Variants in SLC15A1 observed in about 807,000 individuals in gnomAD.
The protein encoded by SLC15A1 is solute carrier family 15 member 1.
SLC15A1 carries 83 observed loss-of-function variants against 92.9 expected under a neutral mutation model. That is an observed-to-expected ratio of 0.89 (90% CI 0.75 to 1.07). SLC15A1 has a LOEUF of 1.07. Ranked by LOEUF, SLC15A1 falls within the 50% of genes least tolerant of loss-of-function variation. The pLI is 0.00. For missense variants in SLC15A1, 857 were observed against 880.1 expected (o/e 0.97, Z 0.33); for synonymous variants, 322 against 318.2 (o/e 1.01, Z -0.13).
chr13:98,700,984 C>A (rs541823312), intron 18 of SLC15A1, among the ~76,000 whole-genome samples: 2 of 152,236 alleles, frequency 1.3e-5, no homozygotes, highest in East Asian at 3.9e-4. Context: ...CAACTTAATT[C>A]TTTTTCAAAA....
intron 9 of SLC15A1, among the ~76,000 whole-genome samples, chr13:98,715,253 C>T (rs1192044025): frequency 6.6e-6 from 1 of 152,234 alleles, no homozygotes; most frequent in East Asian, 1.9e-4. Flanking sequence ...CGGCTCACTG[C>T]AACCTCTGCC....
At chr13:98,716,451 G>A (rs572415789) in intron 8 of SLC15A1, among the ~76,000 whole-genome samples, 2 of 152,144 alleles carry the variant, frequency 1.3e-5, no homozygotes, top group Non-Finnish European at 2.9e-5. Context: ...GTGAAAACCC[G>A]TCTCTACTAA....
At chr13:98,718,405 G>A (rs1395759066) in intron 8 of SLC15A1, among the ~76,000 whole-genome samples, 13 of 138,700 alleles carry the variant, frequency 9.4e-5, no homozygotes, top group Admixed American at 2.4e-4. Flanking sequence ...CTGCAGCCTC[G>A]ACCTCCCAGG....
intron 18 of SLC15A1, among the ~76,000 whole-genome samples, chr13:98,691,689 T>G (rs2087978814): frequency 6.6e-6 from 1 of 152,222 alleles, no homozygotes; most frequent in Non-Finnish European, 1.5e-5. Flanking sequence ...TCATGACGTT[T>G]TACTGACTTT....
chr13:98,726,496 G>A (rs750571282), intron 2 of SLC15A1, 47 bp from the exon 3 acceptor site: 2 of 1,548,802 alleles, frequency 1.3e-6, no homozygotes, highest in East Asian at 4.7e-5. Flanking sequence ...CCCCCCACTG[G>A]TCCATAGCCA....
chr13:98,689,873 C>T (rs1362531284), intron 18 of SLC15A1, among the ~76,000 whole-genome samples: 1 of 152,176 alleles, frequency 6.6e-6, no homozygotes, highest in African/African-American at 2.4e-5. Flanking sequence ...ACTTCCAGGT[C>T]CAAGGCTTCC....
rs370768196 is a variant in SLC15A1, at chr13:98,686,037, G to T, written c.1935+153C>A. Among the ~76,000 whole-genome samples the T allele has an allele frequency of 1.2e-4, 19 of 152,078 alleles. 2 individuals carry two copies. The highest frequency in any genetic ancestry group is 4.6e-4 in the African/African-American group (19 of 41,492). ...GAAACAGCAGACACTTTGCCATAAG[G>T]CTATTTGGGAACAGCCCTGGCTGGT... On this transcript the variant is annotated intron_variant, in intron 22 of 22. Coordinates refer to ENST00000376503, the MANE Select transcript of SLC15A1 (RefSeq NM_005073.4).
intron 1 of SLC15A1, among the ~76,000 whole-genome samples, chr13:98,741,310 T>C (rs2139609265): frequency 6.6e-6 from 1 of 152,276 alleles, no homozygotes. Flanking sequence ...CTGCTCTTCA[T>C]AGAAATAGCC....
chr13:98,714,066 A>G (rs1303107704), intron 9 of SLC15A1, among the ~76,000 whole-genome samples: 3 of 151,474 alleles, frequency 2.0e-5, no homozygotes, highest in Non-Finnish European at 4.4e-5. Context: ...AAGGAAAAAA[A>G]AAAAAAAAAG....
chr13:98,702,989 A>AG (rs1555322596), intron 17 of SLC15A1, among the ~76,000 whole-genome samples: 1,704 of 143,900 alleles, frequency 0.012, 57 homozygotes, highest in African/African-American at 0.044. Context: ...AAAAAAAAAA[A>AG]AAAAGAAAAG....
At chr13:98,731,793 T>C (rs746460006) in intron 1 of SLC15A1, among the ~76,000 whole-genome samples, 6 of 152,186 alleles carry the variant, frequency 3.9e-5, no homozygotes, top group Non-Finnish European at 7.3e-5. Context: ...CCCACTACAG[T>C]TACAGAAAAG....
intron 15 of SLC15A1, among the ~76,000 whole-genome samples, 200 bp downstream of exon 15, chr13:98,708,486 G>A (rs1392830918): frequency 1.3e-5 from 2 of 152,084 alleles, no homozygotes; most frequent in Admixed American, 6.6e-5. Context: ...AGCTACTTAT[G>A]TAAGCCTTTT....
intron 18 of SLC15A1, among the ~76,000 whole-genome samples, chr13:98,693,087 G>GTTTTTTTTTT (rs55817470): frequency 1.7e-5 from 1 of 58,010 alleles, no homozygotes; most frequent in African/African-American, 7.4e-5. Context: ...TATTGTCTAC[G>GTTTTTTTTTT]TTTTTTTTTT....
At chr13:98,743,965 G>A (rs1303826848) in intron 1 of SLC15A1, among the ~76,000 whole-genome samples, 8 of 151,980 alleles carry the variant, frequency 5.3e-5, no homozygotes, top group Non-Finnish European at 2.9e-5. Context: ...CAGAAACGGT[G>A]GCCCTAATAA....
At chr13:98,736,042 C>G (rs1314298848) in intron 1 of SLC15A1, among the ~76,000 whole-genome samples, 1 of 152,088 alleles carries the variant, frequency 6.6e-6, no homozygotes, top group East Asian at 1.9e-4. Flanking sequence ...AAGACAATCC[C>G]AAGCAAAAAG....
In SLC15A1 at chr13:98,711,908, C is replaced by A. The variant is rs771173637; in HGVS notation, c.846G>T (p.Arg282Ser). 1.2e-6 allele frequency: 2 copies of A among 1,613,184 alleles called. No individual in the cohort carries two copies. Among genetic ancestry groups the A allele is most frequent in the African/African-American group, 1.3e-5 (1 of 74,884 alleles). Residue 282 changes from arginine to serine, a missense_variant, in exon 11 of 23, where the codon AGG becomes AGT. Transcript: ENST00000376503. Reference sequence around the variant, plus strand: ...GGAGTGGAATATACAGGAACATCACCCTCGTAACCATCTTAATTTGGGAGA... The same window carrying A: ...GGAGTGGAATATACAGGAACATCACACTCGTAACCATCTTAATTTGGGAGA... The part of the protein sequence containing the change: ...RLISQIKMVT[R>S]VMFLYIPLPM...
intron 8 of SLC15A1, among the ~76,000 whole-genome samples, chr13:98,718,677 C>T (rs2088230649): frequency 6.6e-6 from 1 of 152,088 alleles, no homozygotes; most frequent in Non-Finnish European, 1.5e-5. Context: ...TATGTGGTGG[C>T]CGGTGCCTGT....
At chr13:98,723,270 T>C (rs2088274324) in intron 5 of SLC15A1, among the ~76,000 whole-genome samples, 1 of 152,098 alleles carries the variant, frequency 6.6e-6, no homozygotes, top group South Asian at 2.1e-4. Context: ...AAGCCAGCAG[T>C]GTGGGGATTG....
At chr13:98,747,958 G>A (rs1193060604) in intron 1 of SLC15A1, among the ~76,000 whole-genome samples, 4 of 152,168 alleles carry the variant, frequency 2.6e-5, no homozygotes, top group Admixed American at 6.5e-5. Flanking sequence ...TGTAAGAGAC[G>A]TGAAAGACCA....
Sources: gnomAD v4.1 joint callset for allele counts (sites outside exome capture counted in the v4.1 genomes callset) on GRCh38, gnomAD v4.1.1 for gene constraint, MANE v1.5 for transcripts, NCBI Gene and HGNC (gene_info 2026-07-23, HGNC 2026-07-21) for gene names.